Variants in ITGBL1 observed in about 807,000 individuals in gnomAD.
ITGBL1 encodes the protein integrin beta-like protein 1.
A neutral mutation model predicts 68.5 loss-of-function variants in ITGBL1; 51 were observed. The ratio of observed to expected loss-of-function variants is 0.74; its 90% confidence interval spans 0.59 to 0.94. The LOEUF is 0.94. Ranked by LOEUF, ITGBL1 falls within the 40% of genes least tolerant of loss-of-function variation. The pLI, the probability that ITGBL1 is intolerant of heterozygous loss-of-function variation, is 0.00. For missense variants in ITGBL1, 649 were observed against 647.4 expected (o/e 1.00, Z -0.03); for synonymous variants, 209 against 227.3 (o/e 0.92, Z 0.72).
chr13:101,574,096 G>A (rs1179949694), intron 3 of ITGBL1, among the ~76,000 whole-genome samples: 1 of 152,098 alleles, frequency 6.6e-6, no homozygotes, highest in Non-Finnish European at 1.5e-5. Flanking sequence ...GACAACCAGA[G>A]TAATCTGGTA....
chr13:101,678,502 CT>C (rs34943103), intron 7 of ITGBL1, among the ~76,000 whole-genome samples: 365 of 143,186 alleles, frequency 2.5e-3, no homozygotes, highest in African/African-American at 6.2e-3. Context: ...TTCACTGAGA[CT>C]TTTTTTTTTT....
At chr13:101,636,336 T>A (rs1189734996) in intron 7 of ITGBL1, among the ~76,000 whole-genome samples, 1 of 152,110 alleles carries the variant, frequency 6.6e-6, no homozygotes, top group Non-Finnish European at 1.5e-5. Context: ...CAAACATATA[T>A]CCACTTAGTG....
chr13:101,600,084 T>C lies in ITGBL1; in HGVS notation c.1015+1785T>C, dbSNP rs746580278. On this transcript the variant is annotated intron_variant, in intron 7 of 10. Transcript: ENST00000376180. ...CTATCCATGAGCATGGAATGTTCTT[T>C]CATTTGTTTGTATGCTCTTTTATTT... Among the ~76,000 whole-genome samples the C allele has an allele frequency of 6.8e-3, 1,035 of 152,172 alleles. 12 individuals are homozygous for C. Among genetic ancestry groups the C allele is most frequent in the African/African-American group, 0.023 (955 of 41,518 alleles).
At chr13:101,558,775 A>G (rs1467505698) in intron 2 of ITGBL1, among the ~76,000 whole-genome samples, 1 of 152,202 alleles carries the variant, frequency 6.6e-6, no homozygotes, top group East Asian at 1.9e-4. Flanking sequence ...ACCAGACAAA[A>G]ATATTGGGAC....
intron 2 of ITGBL1, among the ~76,000 whole-genome samples, chr13:101,563,967 T>C (rs1283424918): frequency 6.6e-6 from 1 of 151,768 alleles, no homozygotes; most frequent in African/African-American, 2.4e-5. Flanking sequence ...ACCAACCAAA[T>C]GAGGTATATC....
At chr13:101,516,806 T>G (rs1038050813) in intron 2 of ITGBL1, among the ~76,000 whole-genome samples, 1 of 152,178 alleles carries the variant, frequency 6.6e-6, no homozygotes, top group African/African-American at 2.4e-5. Context: ...CACACTTCCA[T>G]GTAAACTGAT....
At chr13:101,659,075 G>A (rs957344806) in intron 7 of ITGBL1, among the ~76,000 whole-genome samples, 4 of 116,568 alleles carry the variant, frequency 3.4e-5, no homozygotes, top group Non-Finnish European at 4.9e-5. Context: ...GCGGAATCTC[G>A]CTCTGTTGCC....
At chr13:101,473,584 A>G (rs1018941432) in intron 2 of ITGBL1, among the ~76,000 whole-genome samples, 2 of 152,162 alleles carry the variant, frequency 1.3e-5, no homozygotes, top group African/African-American at 4.8e-5. Flanking sequence ...CTAGACCATA[A>G]GAACTAAGAT....
intron 2 of ITGBL1, among the ~76,000 whole-genome samples, chr13:101,535,641 CA>C (rs1242944514): frequency 2.0e-5 from 3 of 152,040 alleles, no homozygotes; most frequent in African/African-American, 7.2e-5. Flanking sequence ...GTTCATATAT[CA>C]GAACTGAAAA....
chr13:101,477,085 T>G (rs1260374418), intron 2 of ITGBL1, among the ~76,000 whole-genome samples: 4 of 152,148 alleles, frequency 2.6e-5, no homozygotes, highest in Non-Finnish European at 5.9e-5. Context: ...GTAGACTATA[T>G]GTTAGGCCAC....
intron 2 of ITGBL1, among the ~76,000 whole-genome samples, chr13:101,526,235 C>T (rs1484012186): frequency 3.3e-5 from 5 of 149,940 alleles, no homozygotes; most frequent in South Asian, 2.1e-4. Context: ...ATACACATGT[C>T]GTGGTGGTTT....
intron 2 of ITGBL1, among the ~76,000 whole-genome samples, chr13:101,484,237 T>A (rs762600040): frequency 7.3e-4 from 111 of 152,232 alleles, no homozygotes; most frequent in Non-Finnish European, 9.1e-4. Context: ...CCCATCAGCA[T>A]AAAAAATTTA....
intron 7 of ITGBL1, among the ~76,000 whole-genome samples, chr13:101,685,719 C>T (rs1387871643): frequency 6.6e-6 from 1 of 151,710 alleles, no homozygotes; most frequent in Non-Finnish European, 1.5e-5. Flanking sequence ...GAGTGTTCAT[C>T]ATGTAAGACA....
rs2030115407 is a variant in ITGBL1 at position 101,598,317 on chromosome 13, G to A, written c.1015+18G>A. Reference sequence around the variant, plus strand: ...TGGGAGGGGTAAGTGAGGTCTCTCAGGGCTTCCCACGGCCTCTCCATCACA... The same window carrying A: ...TGGGAGGGGTAAGTGAGGTCTCTCAAGGCTTCCCACGGCCTCTCCATCACA... On this transcript the variant is annotated intron_variant, in intron 7 of 10. Coordinates refer to ENST00000376180, the MANE Select transcript of ITGBL1 (RefSeq NM_004791.3). 1 of 1,571,824 alleles carries A rather than the reference G, an allele frequency of 6.4e-7. No individual in the cohort carries two copies. The highest frequency in any genetic ancestry group is 1.4e-5 in the African/African-American group (1 of 73,572).
rs1312920888 is a variant in ITGBL1, at chr13:101,583,292, C to A, written c.804C>A (p.Thr268=). 1 of 1,612,820 alleles carries A rather than the reference C, an allele frequency of 6.2e-7. No homozygotes were observed. Among genetic ancestry groups the A allele is most frequent in the Admixed American group, 1.7e-5 (1 of 59,864 alleles). ...TGDWGDIHGD[T]CECDERDCRA... is the part of the protein sequence containing the mutation. ...ACTGGGGAGATATTCATGGGGACAC[C>A]TGTGAATGTGATGAGAGGGACTGTA... Residue 268 remains threonine (T), a synonymous_variant, in exon 6 of 11, where the codon ACC becomes ACA. Coordinates refer to ENST00000376180, the MANE Select transcript of ITGBL1 (RefSeq NM_004791.3).
At chr13:101,686,766 T>C (rs2033764039) in intron 7 of ITGBL1, among the ~76,000 whole-genome samples, 1 of 152,140 alleles carries the variant, frequency 6.6e-6, no homozygotes, top group Admixed American at 6.6e-5. Context: ...AGACGAATAT[T>C]CAAGTGGCAA....
intron 7 of ITGBL1, among the ~76,000 whole-genome samples, chr13:101,638,052 G>A (rs1467544978): frequency 6.6e-6 from 1 of 152,084 alleles, no homozygotes; most frequent in African/African-American, 2.4e-5. Flanking sequence ...ACAAAGGAAG[G>A]ATCTGCTATA....
At chr13:101,578,772 A>G (rs1041496928) in intron 4 of ITGBL1, among the ~76,000 whole-genome samples, 7 of 152,360 alleles carry the variant, frequency 4.6e-5, no homozygotes, top group East Asian at 1.9e-4. Context: ...TCTCTTTCAC[A>G]TGGTGGAACA....
intron 7 of ITGBL1, among the ~76,000 whole-genome samples, chr13:101,602,746 C>G (rs1566751900): frequency 6.6e-6 from 1 of 151,992 alleles, no homozygotes. Context: ...TGTCCCAGAA[C>G]CCCTGGAAAC....
Sources: gnomAD v4.1 joint callset for allele counts (sites outside exome capture counted in the v4.1 genomes callset) on GRCh38, gnomAD v4.1.1 for gene constraint, MANE v1.5 for transcripts, NCBI Gene and HGNC (gene_info 2026-07-23, HGNC 2026-07-21) for gene names.